Variants in CGNL1 observed in about 807,000 individuals in gnomAD.
The protein encoded by CGNL1 is cingulin like 1, also known as cingulin-like protein 1.
Under a neutral mutation model 141.2 loss-of-function variants are expected in CGNL1, and 132 were observed. That is an observed-to-expected ratio of 0.93 (90% CI 0.81 to 1.08). The LOEUF is 1.08. Among genes scored for constraint, CGNL1 ranks in the 50% least tolerant of loss-of-function variants. CGNL1 has a pLI of 0.00. For synonymous variants in CGNL1, 690 were observed against 622.1 expected (o/e 1.11, Z -1.63); for missense variants, 1,870 against 1,588.6 (o/e 1.18, Z -3.01).
At position 57,549,271 on chromosome 15, in the gene CGNL1, G is replaced by T. The variant is rs917329860; in HGVS notation, c.*1781G>T. On this transcript the variant is annotated 3_prime_UTR_variant, in exon 19 of 19. Transcript: ENST00000281282. The stretch of plus-strand genomic sequence containing the variant: ...GAATATGGGACAGGACATGGTCAGG[G>T]AGAGGACCCTGTGAGTTGGTGACAT... 2.0e-5 allele frequency: 3 copies of T among 152,502 alleles called. No homozygotes were observed. Among genetic ancestry groups the T allele is most frequent in the Non-Finnish European group, 4.4e-5 (3 of 68,268 alleles). 9.4% of individuals were successfully genotyped at this position (152,502 alleles called of 1,614,324 possible). A position where few individuals can be genotyped will look rare whatever the true frequency, so the allele number is the denominator to read the frequency against.
intron 8 of CGNL1, among the ~76,000 whole-genome samples, chr15:57,486,661 G>C (rs1446750614): frequency 6.6e-6 from 1 of 152,200 alleles, no homozygotes; most frequent in Non-Finnish European, 1.5e-5. Flanking sequence ...TGGAGGCATT[G>C]AGAAGGAACA....
intron 1 of CGNL1, among the ~76,000 whole-genome samples, chr15:57,416,263 G>T (rs1329155711): frequency 6.6e-6 from 1 of 150,858 alleles, no homozygotes; most frequent in Non-Finnish European, 1.5e-5. Flanking sequence ...TACATGTAGG[G>T]TTGGAAACCG....
intron 10 of CGNL1, among the ~76,000 whole-genome samples, chr15:57,522,923 C>A (rs2031363992): frequency 1.3e-5 from 2 of 152,188 alleles, no homozygotes; most frequent in African/African-American, 4.8e-5. Context: ...TTTCCAAATT[C>A]CTTTTTGCCT....
chr15:57,527,707 C>T (rs2031700032), intron 12 of CGNL1: 1 of 152,220 alleles, frequency 6.6e-6, no homozygotes, highest in Non-Finnish European at 1.5e-5. Context: ...ATGGAAAAAA[C>T]AACAACATTA....
intron 1 of CGNL1, among the ~76,000 whole-genome samples, chr15:57,390,572 T>C (rs1286006688): frequency 1.3e-5 from 2 of 152,138 alleles, no homozygotes; most frequent in African/African-American, 4.8e-5. Flanking sequence ...TCATTCACAA[T>C]GGTAGAGAAT....
At chr15:57,510,897 A>G (rs2030238728) in intron 8 of CGNL1, among the ~76,000 whole-genome samples, 2 of 152,122 alleles carry the variant, frequency 1.3e-5, no homozygotes, top group Non-Finnish European at 2.9e-5. Flanking sequence ...CTCTGTTTGT[A>G]CAGCTGCTCC....
chr15:57,547,296 C>G (rs1291165167), intron 18 of CGNL1, 59 bp from the exon 19 acceptor site: 4 of 1,592,056 alleles, frequency 2.5e-6, no homozygotes, highest in Non-Finnish European at 3.4e-6. Flanking sequence ...CCTTTAAGTC[C>G]AAATTAGCTA....
At chr15:57,475,148 C>T (rs1026858609) in intron 8 of CGNL1, among the ~76,000 whole-genome samples, 3 of 152,272 alleles carry the variant, frequency 2.0e-5, no homozygotes, top group African/African-American at 7.2e-5. Context: ...CTGACCACAC[C>T]ACCTGCCGCA....
At chr15:57,401,652 C>T (rs993288491) in intron 1 of CGNL1, among the ~76,000 whole-genome samples, 1 of 152,158 alleles carries the variant, frequency 6.6e-6, no homozygotes, top group Admixed American at 6.5e-5. Context: ...AATACCTATC[C>T]TTTTTTCTAC....
intron 7 of CGNL1, among the ~76,000 whole-genome samples, chr15:57,457,647 C>T (rs2063395840): frequency 6.6e-6 from 1 of 152,204 alleles, no homozygotes. Flanking sequence ...GCACCTCTCA[C>T]ATGGTGGCAA....
intron 1 of CGNL1, among the ~76,000 whole-genome samples, chr15:57,420,010 C>A (rs1620235): frequency 0.15 from 23,065 of 152,190 alleles, 2,064 homozygotes; most frequent in African/African-American, 0.24. Context: ...TTATCCAACA[C>A]TATTTTTTGG....
chr15:57,407,530 C>T (rs557177192), intron 1 of CGNL1, among the ~76,000 whole-genome samples: 7 of 151,800 alleles, frequency 4.6e-5, no homozygotes, highest in South Asian at 2.1e-4. Context: ...TAAAAATAAC[C>T]GGGCGTGGTG....
intron 7 of CGNL1, 94 bp from the exon 8 acceptor site, chr15:57,461,586 C>G: frequency 9.9e-7 from 1 of 1,006,672 alleles, no homozygotes; most frequent in Admixed American, 1.7e-5. Flanking sequence ...GGTGAGATGG[C>G]TGTGCACATG....
intron 7 of CGNL1, among the ~76,000 whole-genome samples, chr15:57,455,168 A>AT (rs1250424813): frequency 5.0e-4 from 76 of 151,912 alleles, no homozygotes; most frequent in African/African-American, 1.6e-3. Flanking sequence ...ATTCTCCTAC[A>AT]TTTTTTTTCC....
At chr15:57,497,751 G>A (rs1226160912) in intron 8 of CGNL1, among the ~76,000 whole-genome samples, 1 of 152,246 alleles carries the variant, frequency 6.6e-6, no homozygotes, top group Non-Finnish European at 1.5e-5. Context: ...CACAGGAGCT[G>A]AGCATGTATG....
intron 1 of CGNL1, among the ~76,000 whole-genome samples, chr15:57,416,763 C>T (rs2062853767): frequency 6.6e-6 from 1 of 152,152 alleles, no homozygotes; most frequent in Admixed American, 6.5e-5. Flanking sequence ...CAGGTGGTCC[C>T]CAACCTACAA....
At chr15:57,450,218 G>A (rs952868961) in intron 4 of CGNL1, among the ~76,000 whole-genome samples, 1 of 152,048 alleles carries the variant, frequency 6.6e-6, no homozygotes, top group Non-Finnish European at 1.5e-5. Context: ...CCACCATTTG[G>A]TGTTGCCAGT....
chr15:57,482,049 A>G (rs1421154707), intron 8 of CGNL1, among the ~76,000 whole-genome samples: 9 of 151,790 alleles, frequency 5.9e-5, no homozygotes, highest in African/African-American at 1.5e-4. Context: ...TTTGCCACGT[A>G]TATCCTCTTT....
chr15:57,513,250 ATGGG>A lies in CGNL1; in HGVS notation c.2404-3527_2404-3524del, dbSNP rs1265315081. ...TCCAGACTTTCATATAAATGTCAAT[ATGGG>A]TGTGTGTGTGTGTGTGTGTGTGTGT... On this transcript the variant is annotated intron_variant, in intron 8 of 18. Coordinates refer to ENST00000281282, the MANE Select transcript of CGNL1 (RefSeq NM_032866.5). Among the ~76,000 whole-genome samples, 67 of 92,904 alleles carry A rather than the reference ATGGG, an allele frequency of 7.2e-4. 1 individual carries two copies. Among genetic ancestry groups the A allele is most frequent in the Admixed American group, 1.4e-3 (13 of 9,040 alleles). 60.9% of individuals were successfully genotyped at this position (92,904 alleles called of 152,430 possible).
Sources: gnomAD v4.1 joint callset for allele counts (sites outside exome capture counted in the v4.1 genomes callset) on GRCh38, gnomAD v4.1.1 for gene constraint, MANE v1.5 for transcripts, NCBI Gene and HGNC (gene_info 2026-07-23, HGNC 2026-07-21) for gene names.